The following PCDH15 variants were observed in gnomAD, a reference collection of about 807,000 sequenced individuals.
PCDH15 encodes protocadherin-15.
Under a neutral mutation model 178.5 loss-of-function variants are expected in PCDH15, and 129 were observed. The observed-to-expected ratio is 0.72, with a 90% CI of 0.63 to 0.84. The LOEUF is 0.84. Ranked by LOEUF, PCDH15 falls within the 40% of genes least tolerant of loss-of-function variation. PCDH15 has a pLI of 0.00. For missense variants in PCDH15, 2,230 were observed against 2,099.9 expected (o/e 1.06, Z -1.21); for synonymous variants, 800 against 732.0 (o/e 1.09, Z -1.50).
chr10:55,580,055 G>A (rs1198787117), intron 2 of PCDH15, among the ~76,000 whole-genome samples: 1 of 151,902 alleles, frequency 6.6e-6, no homozygotes, highest in Non-Finnish European at 1.5e-5. Context: ...CAGGGTTTCA[G>A]CATGTAGGCC....
At chr10:54,770,539 A>T (rs1948975741) in intron 1 of PCDH15, among the ~76,000 whole-genome samples, 2 of 152,072 alleles carry the variant, frequency 1.3e-5, no homozygotes, top group African/African-American at 4.8e-5. Context: ...GATACCTGAA[A>T]TGCAGGCTGT....
chr10:54,190,840 G>T, intron 11 of PCDH15, among the ~76,000 whole-genome samples: 1 of 152,134 alleles, frequency 6.6e-6, no homozygotes, highest in African/African-American at 2.4e-5. Flanking sequence ...AATGGTGCTC[G>T]GTCTATAAAA....
chr10:54,739,186 T>G (rs181217514), intron 1 of PCDH15, among the ~76,000 whole-genome samples: 3 of 152,014 alleles, frequency 2.0e-5, no homozygotes, highest in Admixed American at 2.0e-4. Flanking sequence ...AGGATTCCAC[T>G]AGAAACCGTT....
Position 53,809,123 on chromosome 10 carries a change from C to CTGAT in PCDH15, c.4671+1429_4671+1432dup. The CTGAT allele has an allele frequency of 1.2e-6, 2 of 1,613,904 alleles. No individual in the cohort carries two copies. Among genetic ancestry groups the CTGAT allele is most frequent in the East Asian group, 4.5e-5 (2 of 44,864 alleles). On this transcript the variant is annotated intron_variant, in intron 37 of 37. Coordinates refer to ENST00000644397, the MANE Select transcript of PCDH15 (RefSeq NM_001384140.1). ...TCTGACTCTGTGGATTCCGATTCTT[C>CTGAT]TGATTCAGGGGTGGAACTCTCCTCC... is the stretch of plus-strand genomic sequence containing the variant.
intron 2 of PCDH15, among the ~76,000 whole-genome samples, chr10:55,503,405 T>C (rs2132142147): frequency 6.7e-6 from 1 of 148,596 alleles, no homozygotes; most frequent in East Asian, 2.0e-4. Context: ...AATTATATTG[T>C]ATTAATTAAA....
intron 13 of PCDH15, among the ~76,000 whole-genome samples, chr10:54,173,789 C>A (rs1590956384): frequency 6.6e-6 from 1 of 152,002 alleles, no homozygotes; most frequent in Non-Finnish European, 1.5e-5. Flanking sequence ...GTGAGAGAAA[C>A]AGATAGTTTA....
intron 2 of PCDH15, among the ~76,000 whole-genome samples, chr10:54,585,166 G>A (rs1930163): frequency 0.92 from 140,267 of 152,068 alleles, 65,112 homozygotes; most frequent in Middle Eastern, 0.98. Context: ...ACAGAAGTTG[G>A]CTGCCCTAAA....
intron 1 of PCDH15, among the ~76,000 whole-genome samples, chr10:54,732,537 T>C (rs891875821): frequency 1.3e-5 from 2 of 151,578 alleles, no homozygotes; most frequent in African/African-American, 2.4e-5. Flanking sequence ...AGCAATTAGA[T>C]TTAGACTTAA....
intron 8 of PCDH15, among the ~76,000 whole-genome samples, chr10:54,285,922 A>G (rs924361155): frequency 5.9e-5 from 9 of 152,222 alleles, no homozygotes; most frequent in Non-Finnish European, 1.0e-4. Flanking sequence ...GCAACATAAA[A>G]GAACCTGAAA....
intron 2 of PCDH15, among the ~76,000 whole-genome samples, chr10:55,435,116 T>A (rs547302938): frequency 4.3e-4 from 65 of 152,222 alleles, no homozygotes; most frequent in African/African-American, 1.5e-3. Context: ...GGAATTTAAG[T>A]GAACTAAATC....
At chr10:55,256,678 G>C (rs920109100) in intron 1 of PCDH15, among the ~76,000 whole-genome samples, 1 of 152,194 alleles carries the variant, frequency 6.6e-6, no homozygotes, top group African/African-American at 2.4e-5. Context: ...GGCTGGGGGA[G>C]GGGCGCCCGC....
At chr10:53,962,667 T>TA (rs2088484946) in intron 21 of PCDH15, among the ~76,000 whole-genome samples, 1 of 152,146 alleles carries the variant, frequency 6.6e-6, no homozygotes, top group African/African-American at 2.4e-5. Context: ...TACAATAAGT[T>TA]AAAGAGTGCT....
chr10:55,444,129 T>A (rs1335426724), intron 2 of PCDH15, among the ~76,000 whole-genome samples: 1 of 149,738 alleles, frequency 6.7e-6, no homozygotes, highest in African/African-American at 2.5e-5. Context: ...CACCGGGGCC[T>A]ATCGGGGGGT....
At chr10:54,322,802 A>T (rs1195983126) in intron 7 of PCDH15, among the ~76,000 whole-genome samples, 3 of 152,074 alleles carry the variant, frequency 2.0e-5, no homozygotes, top group African/African-American at 7.2e-5. Context: ...CATTGGCTTT[A>T]GCAAGGATTT....
chr10:55,145,420 C>A (rs903701223), intron 2 of PCDH15, among the ~76,000 whole-genome samples: 7 of 151,950 alleles, frequency 4.6e-5, no homozygotes, highest in African/African-American at 1.7e-4. Context: ...TTTTATGTTT[C>A]TTTCCTTGTG....
intron 1 of PCDH15, among the ~76,000 whole-genome samples, chr10:54,708,779 C>CGTGT (rs145197882): frequency 0.021 from 3,135 of 150,412 alleles, 58 homozygotes; most frequent in African/African-American, 0.039. Flanking sequence ...GCCAGAATAA[C>CGTGT]GTGTGTGTGT....
At chr10:54,960,576 T>C (rs576125299) in intron 2 of PCDH15, among the ~76,000 whole-genome samples, 2 of 152,236 alleles carry the variant, frequency 1.3e-5, no homozygotes, top group African/African-American at 4.8e-5. Context: ...ATGTCCATAA[T>C]AAAAAAAGAT....
chr10:55,604,530 A>T (rs1374912166), intron 2 of PCDH15, among the ~76,000 whole-genome samples: 1 of 142,662 alleles, frequency 7.0e-6, no homozygotes, highest in Non-Finnish European at 1.5e-5. Flanking sequence ...AAGAACAGAA[A>T]TTATAACAAA....
At chr10:53,808,548 C>T (rs2075742291) in intron 37 of PCDH15, 1 of 1,439,694 alleles carries the variant, frequency 6.9e-7, no homozygotes, top group South Asian at 1.5e-5. Context: ...TATATATTCA[C>T]TTTTCTGGCA....
Sources: gnomAD v4.1 joint callset for allele counts (sites outside exome capture counted in the v4.1 genomes callset) on GRCh38, gnomAD v4.1.1 for gene constraint, MANE v1.5 for transcripts, NCBI Gene and HGNC (gene_info 2026-07-23, HGNC 2026-07-21) for gene names.